Variants in RP1 observed in about 807,000 individuals in gnomAD.
The protein encoded by RP1 is oxygen-regulated protein 1.
Under a neutral mutation model 14.8 loss-of-function variants are expected in RP1, and 16 were observed. The observed-to-expected ratio is 1.08, with a 90% CI of 0.73 to 1.65. The LOEUF is 1.65. Among genes scored for constraint, RP1 ranks in the 40% most tolerant of loss-of-function variants. The pLI is 0.00. For missense variants in RP1, 2,631 were observed against 2,535.0 expected (o/e 1.04, Z -0.81); for synonymous variants, 876 against 883.6 (o/e 0.99, Z 0.15).
chr8:54,731,393 T>C (rs1326720141), intron 17 of RP1, among the ~76,000 whole-genome samples: 1 of 152,158 alleles, frequency 6.6e-6, no homozygotes, highest in Non-Finnish European at 1.5e-5. Flanking sequence ...AGGGTCCCCA[T>C]TAAATATTCT....
At chr8:54,585,763 A>G (rs1804906073) in intron 1 of RP1, among the ~76,000 whole-genome samples, 1 of 152,042 alleles carries the variant, frequency 6.6e-6, no homozygotes, top group African/African-American at 2.4e-5. Flanking sequence ...TCCATCACAG[A>G]TACGCTTTCT....
chr8:54,680,000 GAC>G (rs773928726), intron 12 of RP1: 63 of 1,482,236 alleles, frequency 4.3e-5, no homozygotes, highest in Non-Finnish European at 5.3e-5. Context: ...TAGATTTCTA[GAC>G]ACAGTTTAAT....
chr8:54,798,874 A>G (rs1810635489), intron 24 of RP1, among the ~76,000 whole-genome samples: 1 of 152,132 alleles, frequency 6.6e-6, no homozygotes, highest in African/African-American at 2.4e-5. Flanking sequence ...ATACATACAC[A>G]TACATAACAT....
At chr8:54,606,832 G>A (rs1210802206) in intron 1 of RP1, among the ~76,000 whole-genome samples, 1 of 151,908 alleles carries the variant, frequency 6.6e-6, no homozygotes, top group African/African-American at 2.4e-5. Context: ...CCAGTTGATC[G>A]AATCGGCTAC....
At chr8:54,807,132 T>C (rs989652577) in intron 24 of RP1, among the ~76,000 whole-genome samples, 2 of 152,132 alleles carry the variant, frequency 1.3e-5, no homozygotes, top group African/African-American at 4.8e-5. Context: ...CCACCTGTTA[T>C]GAGGTAGGAT....
intron 23 of RP1, among the ~76,000 whole-genome samples, chr8:54,779,522 T>C (rs138942633): frequency 6.6e-6 from 1 of 152,300 alleles, no homozygotes; most frequent in East Asian, 1.9e-4. Context: ...AAAACAGGGT[T>C]AATTTTCTGA....
chr8:54,763,573 G>A lies in RP1; in HGVS notation c.3248+4497G>A, dbSNP rs572443887. 2.5e-4 allele frequency among the ~76,000 whole-genome samples: 38 copies of A among 152,250 alleles called. No homozygotes were observed. The South Asian group carries it at 6.6e-3, about 27-fold the overall frequency. On this transcript the variant is annotated intron_variant, in intron 22 of 22. Coordinates refer to the RP1 transcript ENST00000636932. ...TGCATGCCTGTAATCCCAGCTACTC[G>A]GGAGGCTGAGGCAGGAGAATTGCTT...
In RP1 at chr8:54,629,355, A is replaced by G. The variant is rs747476423; in HGVS notation, c.5473A>G (p.Ser1825Gly). The G allele has an allele frequency of 3.7e-6, 6 of 1,614,136 alleles. No homozygotes were observed. Among genetic ancestry groups the G allele is most frequent in the Non-Finnish European group, 5.1e-6 (6 of 1,179,984 alleles). The change falls in exon 4 of 4, where the codon AGT becomes GGT. Residue 1825 changes from serine (S) to glycine (G), a missense_variant. Physicochemically the swap from Ser to Gly is moderately conservative, Grantham distance 56. Transcript: ENST00000220676. ...CAATTACTTTAACATGCCTCATGGT[A>G]GTGACTCAGAACCTTTTCATGAGGA... ...KCNYFNMPHGSDSEPFHEDLL... is the reference protein window; with the variant it reads ...KCNYFNMPHGGDSEPFHEDLL...
At chr8:54,642,754 G>T (rs968659913) in intron 3 of RP1, among the ~76,000 whole-genome samples, 12 of 152,098 alleles carry the variant, frequency 7.9e-5, no homozygotes, top group Admixed American at 7.2e-4. Flanking sequence ...TTACATTAAA[G>T]AATATGTGCA....
intron 25 of RP1, among the ~76,000 whole-genome samples, chr8:54,838,568 T>A (rs1485130315): frequency 6.6e-6 from 1 of 152,204 alleles, no homozygotes; most frequent in Admixed American, 6.5e-5. Context: ...TGTGCATGAA[T>A]GCTTATATAT....
chr8:54,596,220 C>A (rs550135376), intron 1 of RP1, among the ~76,000 whole-genome samples: 1 of 152,316 alleles, frequency 6.6e-6, no homozygotes, highest in East Asian at 1.9e-4. Context: ...TCGGTTTCAT[C>A]TGTTCAACAA....
rs1806038848 is a variant in RP1, at chr8:54,626,152, T to C, written c.2270T>C (p.Phe757Ser). The stretch of plus-strand genomic sequence containing the variant: ...CTCAATTCCACGATTTCCAAGAATT[T>C]CCATAGAAATAAATTAAATACTACT... The part of the protein sequence containing the change: ...SNLNSTISKN[F>S]HRNKLNTTQN... The change falls in exon 4 of 4, where the codon TTC (phenylalanine) becomes TCC (serine). Residue 757 changes from phenylalanine to serine, a missense_variant. Phe to Ser is a radical substitution (Grantham distance 155). Transcript: ENST00000220676. 6.2e-7 allele frequency: 1 copy of C among 1,612,458 alleles called. No individual in the cohort carries two copies. The highest frequency in any genetic ancestry group is 1.1e-5 in the South Asian group (1 of 90,872).
intron 1 of RP1, among the ~76,000 whole-genome samples, chr8:54,589,934 T>C (rs1000950328): frequency 6.6e-6 from 1 of 152,198 alleles, no homozygotes; most frequent in Non-Finnish European, 1.5e-5. Flanking sequence ...TACTTCTTTC[T>C]TTCTGAGATG....
chr8:54,766,345 T>C (rs1809760567), intron 22 of RP1, among the ~76,000 whole-genome samples: 2 of 152,150 alleles, frequency 1.3e-5, no homozygotes, highest in Non-Finnish European at 2.9e-5. Context: ...CAGTGAGCAA[T>C]CATTTAACTT....
intron 24 of RP1, among the ~76,000 whole-genome samples, chr8:54,819,094 T>C (rs1811197950): frequency 1.3e-5 from 2 of 152,020 alleles, no homozygotes; most frequent in Admixed American, 6.5e-5. Flanking sequence ...TTAAGACCAA[T>C]AACTCTTAAA....
intron 3 of RP1, among the ~76,000 whole-genome samples, chr8:54,644,972 G>T (rs764400719): frequency 3.9e-5 from 6 of 152,030 alleles, no homozygotes; most frequent in Non-Finnish European, 5.9e-5. Context: ...TTTCTAAGTT[G>T]TATTGGGTTA....
intron 7 of RP1, among the ~76,000 whole-genome samples, chr8:54,664,031 T>A (rs1196466874): frequency 6.6e-6 from 1 of 152,214 alleles, no homozygotes; most frequent in Non-Finnish European, 1.5e-5. Flanking sequence ...GGTAATCTAA[T>A]AATTAACAAC....
chr8:54,627,459 C>T lies in RP1; in HGVS notation c.3577C>T (p.His1193Tyr). ...VANLVESTTSHFGLSEKEQDM... is the reference protein window; with the variant it reads ...VANLVESTTSYFGLSEKEQDM... ...CAATTTAGTGGAGTCAACTACAAGC[C>T]ACTTTGGACTCAGTGAGAAAGAACA... Residue 1193 changes from histidine (H) to tyrosine (Y), a missense_variant, in exon 4 of 4, where the codon CAC becomes TAC. By Grantham distance (83) the His-to-Tyr change is moderately conservative. Transcript: ENST00000220676. The T allele has an allele frequency of 6.2e-7, 1 of 1,614,142 alleles. No homozygotes were observed. The highest frequency in any genetic ancestry group is 2.2e-5 in the East Asian group (1 of 44,890).
chr8:54,663,786 A>G (rs1440863804), exon 7 of RP1: 2 of 1,535,178 alleles, frequency 1.3e-6, no homozygotes, highest in South Asian at 1.2e-5. Context: ...CATGGGGAAA[A>G]GGGAGATACA....
Sources: allele counts gnomAD v4.1 joint callset (sites outside exome capture counted in the v4.1 genomes callset), GRCh38; gene constraint gnomAD v4.1.1; transcripts MANE v1.5; gene names NCBI Gene and HGNC (gene_info 2026-07-23, HGNC 2026-07-21).